AHCTF1: variants seen among roughly 807,000 people sequenced by gnomAD.
AHCTF1 encodes protein ELYS.
Under a neutral mutation model 248.4 loss-of-function variants are expected in AHCTF1, and 24 were observed. The ratio of observed to expected loss-of-function variants is 0.10; its 90% confidence interval spans 0.07 to 0.14. The LOEUF is 0.14. AHCTF1 is among the 10% of genes least tolerant of loss of function. AHCTF1 has a pLI of 1.00. For missense variants in AHCTF1, 2,206 were observed against 2,636.2 expected (o/e 0.84, Z 3.57); for synonymous variants, 786 against 929.8 (o/e 0.85, Z 2.81).
At chr1:246,848,865 A>AAAAC (rs397792946) in intron 33 of AHCTF1, among the ~76,000 whole-genome samples, 1 of 148,550 alleles carries the variant, frequency 6.7e-6, no homozygotes, top group Non-Finnish European at 1.5e-5. Context: ...AACAACACAA[A>AAAAC]CCCCCTACAT....
At chr1:246,894,889 C>CTT in intron 13 of AHCTF1, 141 bp from the exon 14 acceptor site, 1 of 678,054 alleles carries the variant, frequency 1.5e-6, no homozygotes, top group Middle Eastern at 2.9e-4. Context: ...GGAAAATGGA[C>CTT]TTTCTCAGTG....
chr1:246,892,493 G>C (rs1348084123), intron 14 of AHCTF1, among the ~76,000 whole-genome samples: 2 of 151,280 alleles, frequency 1.3e-5, no homozygotes, highest in Non-Finnish European at 3.0e-5. Flanking sequence ...GCTAATTTTT[G>C]TATTTTTAGT....
chr1:246,913,197 G>C (rs761568392), intron 4 of AHCTF1, 35 bp downstream of exon 4: 1 of 1,494,168 alleles, frequency 6.7e-7, no homozygotes, highest in Non-Finnish European at 9.0e-7. Flanking sequence ...ATATCCAGGT[G>C]CTCCATTTTT....
Position 246,842,786 on chromosome 1 carries a change from A to G in AHCTF1, c.6526-10T>C, listed in dbSNP as rs745601363. 4.4e-6 allele frequency: 7 copies of G among 1,607,074 alleles called. No homozygotes were observed. Among genetic ancestry groups the G allele is most frequent in the South Asian group, 2.2e-5 (2 of 90,880 alleles). On this transcript the variant is annotated splice_polypyrimidine_tract_variant and intron_variant, in intron 34 of 35. Transcript: ENST00000648844. ...ATTGTGCATCATCTTTCTATGGGTT[A>G]AACATTTTAAAAGGTTAAGTATTAA...
chr1:246,894,749 CTTAT>C lies in AHCTF1; in HGVS notation c.1715-5_1715-2del, dbSNP rs1664448407. 6.2e-7 allele frequency: 1 copy of C among 1,612,234 alleles called. No homozygotes were observed. Among genetic ancestry groups the C allele is most frequent in the Admixed American group, 1.7e-5 (1 of 59,922 alleles). On this transcript the variant is annotated splice_acceptor_variant and splice_polypyrimidine_tract_variant and intron_variant, in intron 13 of 35. Transcript: ENST00000648844. LOFTEE classifies it high-confidence loss of function. The stretch of plus-strand genomic sequence containing the variant: ...AAATTAGTGGCAGAATTTGGTTGTT[CTTAT>C]TTGTAAATACAAAAGGGAAAAAATA...
intron 21 of AHCTF1, among the ~76,000 whole-genome samples, 171 bp from the exon 22 acceptor site, chr1:246,877,473 G>C (rs1266062748): frequency 6.6e-6 from 1 of 152,112 alleles, no homozygotes; most frequent in Non-Finnish European, 1.5e-5. Context: ...ATCTTGCTAA[G>C]AATGTCAGTA....
intron 35 of AHCTF1, among the ~76,000 whole-genome samples, chr1:246,841,539 C>T (rs1337601737): frequency 1.3e-5 from 2 of 152,206 alleles, no homozygotes; most frequent in Non-Finnish European, 2.9e-5. Context: ...CTAAGCACAG[C>T]ATAAACAAGA....
chr1:246,884,465 T>C (rs1317013649), intron 21 of AHCTF1, among the ~76,000 whole-genome samples: 1 of 152,148 alleles, frequency 6.6e-6, no homozygotes, highest in Non-Finnish European at 1.5e-5. Flanking sequence ...ATAACACAGC[T>C]GAGGTAAAAT....
At chr1:246,885,810 T>G in intron 20 of AHCTF1, 130 bp from the exon 21 acceptor site, 1 of 878,392 alleles carries the variant, frequency 1.1e-6, no homozygotes, top group East Asian at 2.7e-5. Context: ...AAAAATCTAC[T>G]TTAATCTGTG....
At chr1:246,890,873 C>A in intron 16 of AHCTF1, 83 bp downstream of exon 16, 1 of 873,172 alleles carries the variant, frequency 1.1e-6, no homozygotes, top group Admixed American at 3.8e-5. Flanking sequence ...AGAAAAGAAA[C>A]CCAAAGCATT....
chr1:246,931,176 G>A (rs961192768), intron 1 of AHCTF1: 2 of 1,550,222 alleles, frequency 1.3e-6, no homozygotes, highest in African/African-American at 2.7e-5. Context: ...CACAGGACAG[G>A]CTCAGCACGC....
At chr1:246,875,501 G>A (rs1337834052) in intron 24 of AHCTF1, among the ~76,000 whole-genome samples, 4 of 152,216 alleles carry the variant, frequency 2.6e-5, no homozygotes, top group African/African-American at 9.6e-5. Context: ...GACTCATTTT[G>A]AAAGAAGTTC....
intron 33 of AHCTF1, among the ~76,000 whole-genome samples, chr1:246,847,171 C>G (rs1288973978): frequency 1.3e-5 from 2 of 151,840 alleles, no homozygotes; most frequent in Non-Finnish European, 2.9e-5. Context: ...CACCTGTAAT[C>G]CCAGCTACTG....
chr1:246,857,894 A>G (rs866502955), intron 29 of AHCTF1, 80 bp from the exon 30 acceptor site: 15 of 1,361,574 alleles, frequency 1.1e-5, no homozygotes, highest in Middle Eastern at 4.0e-4. Context: ...TACTTTTTAA[A>G]AAGTTGTTGG....
Position 246,840,438 on chromosome 1 carries a change from A to G in AHCTF1, c.*368T>C, listed in dbSNP as rs945321291. On this transcript the variant is annotated 3_prime_UTR_variant, in exon 36 of 36. Transcript: ENST00000648844. ...CAATACTTCAATCATCCCCATTTTA[A>G]GACTGGTCTAGTATTTTAATTATAG... is the stretch of plus-strand genomic sequence containing the variant. 2 of 153,656 alleles carry G rather than the reference A, an allele frequency of 1.3e-5. No individual in the cohort carries two copies. The highest frequency in any genetic ancestry group is 4.8e-5 in the African/African-American group (2 of 41,500). 9.5% of individuals were successfully genotyped at this position (153,656 alleles called of 1,614,324 possible).
At chr1:246,872,927 C>T (rs999550343) in intron 24 of AHCTF1, among the ~76,000 whole-genome samples, 1 of 152,174 alleles carries the variant, frequency 6.6e-6, no homozygotes, top group African/African-American at 2.4e-5. Context: ...AGACCGGGTT[C>T]ACCTTAAGAC....
At chr1:246,887,154 T>C (rs1157482500) in intron 20 of AHCTF1, 57 bp downstream of exon 20, 1 of 1,534,372 alleles carries the variant, frequency 6.5e-7, no homozygotes, top group East Asian at 2.3e-5. Flanking sequence ...AAATTATGTG[T>C]ATTTTCTAAA....
chr1:246,891,599 T>A (rs1476394903), intron 15 of AHCTF1, among the ~76,000 whole-genome samples, 180 bp downstream of exon 15: 5 of 152,228 alleles, frequency 3.3e-5, no homozygotes, highest in Non-Finnish European at 7.3e-5. Context: ...GCTCATGGCA[T>A]GTCTAACAAC....
At chr1:246,907,481 TAGTAAATG>T (rs2103194495) in intron 5 of AHCTF1, 62 bp downstream of exon 5, 2 of 1,339,422 alleles carry the variant, frequency 1.5e-6, no homozygotes. Flanking sequence ...TTTCAAATAT[TAGTAAATG>T]AGTACAAGCT....
Sources: gnomAD v4.1 joint callset for allele counts (sites outside exome capture counted in the v4.1 genomes callset) on GRCh38, gnomAD v4.1.1 for gene constraint, MANE v1.5 for transcripts, NCBI Gene and HGNC (gene_info 2026-07-23, HGNC 2026-07-21) for gene names.